Variants in JPH1 observed in about 807,000 individuals in gnomAD.
The protein encoded by JPH1 is junctophilin 1.
In JPH1, 12 loss-of-function variants were observed where a neutral mutation model predicts 53.6. That is an observed-to-expected ratio of 0.22 (90% CI 0.14 to 0.36). The LOEUF (loss-of-function observed/expected upper bound fraction) is 0.36. Among genes scored for constraint, JPH1 ranks in the 10% least tolerant of loss-of-function variants. The pLI, the probability that JPH1 is intolerant of heterozygous loss-of-function variation, is 1.00. For missense variants in JPH1, 808 were observed against 905.5 expected (o/e 0.89, Z 1.38); for synonymous variants, 375 against 363.8 (o/e 1.03, Z -0.35).
intron 2 of JPH1, among the ~76,000 whole-genome samples, chr8:74,273,763 A>T (rs1806771420): frequency 6.6e-6 from 1 of 152,192 alleles, no homozygotes; most frequent in African/African-American, 2.4e-5. Flanking sequence ...TTTTAAAAAT[A>T]ATATAGCGCA....
chr8:74,254,267 A>C (rs1352082554), intron 3 of JPH1, among the ~76,000 whole-genome samples: 1 of 152,182 alleles, frequency 6.6e-6, no homozygotes, highest in African/African-American at 2.4e-5. Flanking sequence ...GTAATCCAGC[A>C]TATAAACAGA....
chr8:74,274,503 C>G (rs530587981), intron 2 of JPH1, among the ~76,000 whole-genome samples: 19 of 152,284 alleles, frequency 1.2e-4, no homozygotes, highest in Non-Finnish European at 2.5e-4. Flanking sequence ...TAGATGTGGA[C>G]GTTCTAAGAA....
Position 74,320,774 on chromosome 8 carries a change from G to A in JPH1, c.379+135C>T, listed in dbSNP as rs1808293543. The A allele has an allele frequency of 1.1e-5, 12 of 1,083,670 alleles. No homozygotes were observed. The highest frequency in any genetic ancestry group is 1.7e-5 in the African/African-American group (1 of 59,988). 67.1% of individuals were successfully genotyped at this position (1,083,670 alleles called of 1,614,324 possible). On this transcript the variant is annotated intron_variant, in intron 1 of 5. Transcript: ENST00000342232. The surrounding 1 kb of genome is among the most constrained non-coding windows in gnomAD (Gnocchi z 4.4). ...TGGGAAAGGCGGGCGCGGGCGCGGG[G>A]GTGGGAGGCGCCCCCAGGTGTTTTG...
intron 2 of JPH1, among the ~76,000 whole-genome samples, chr8:74,295,220 G>T (rs1293749326): frequency 6.6e-6 from 1 of 152,000 alleles, no homozygotes; most frequent in Non-Finnish European, 1.5e-5. Context: ...AGGTCTCTTG[G>T]TTCCTCTAAG....
intron 2 of JPH1, among the ~76,000 whole-genome samples, chr8:74,298,451 T>C (rs1424060487): frequency 6.6e-6 from 1 of 152,242 alleles, no homozygotes. Flanking sequence ...CCTTGAGCAC[T>C]GTAGCTAAAA....
At chr8:74,293,961 CTT>C (rs529349975) in intron 2 of JPH1, among the ~76,000 whole-genome samples, 611 of 152,274 alleles carry the variant, frequency 4.0e-3, no homozygotes, top group African/African-American at 0.014. Context: ...TGGGGTGTCT[CTT>C]TTGTAGAGCG....
At chr8:74,276,398 G>A (rs556728852) in intron 2 of JPH1, among the ~76,000 whole-genome samples, 4 of 152,282 alleles carry the variant, frequency 2.6e-5, no homozygotes, top group East Asian at 3.9e-4. Context: ...CCAGGTTCTC[G>A]CCTCTATGTG....
At position 74,321,174 on chromosome 8, in the gene JPH1, G is replaced by A. The variant is rs749539672; in HGVS notation, c.114C>T (p.Tyr38=). 1.9e-6 allele frequency: 3 copies of A among 1,613,356 alleles called. No homozygotes were observed. In the South Asian group the frequency reaches 3.3e-5, roughly 18 times the overall value. The part of the protein sequence containing the change: ...ICTGPKGQGE[Y]SGSWSHGFEV... ...CGAAGCCGTGCGACCAGGAGCCCGA[G>A]TACTCGCCCTGGCCCTTGGGCCCCG... is the stretch of plus-strand genomic sequence containing the variant. Residue 38 remains tyrosine (Y), a synonymous_variant, in exon 1 of 6, where the codon TAC becomes TAT. Transcript: ENST00000342232. This position sits in a 1 kb window ranked among gnomAD's most constrained non-coding sequence, Gnocchi z 4.3.
chr8:74,274,230 T>C (rs1348257825), intron 2 of JPH1, among the ~76,000 whole-genome samples: 1 of 152,148 alleles, frequency 6.6e-6, no homozygotes, highest in Non-Finnish European at 1.5e-5. Context: ...GGGCGTTTTC[T>C]GGGAGAAATG....
At chr8:74,246,972 C>T (rs1234517019) in intron 3 of JPH1, among the ~76,000 whole-genome samples, 3 of 152,130 alleles carry the variant, frequency 2.0e-5, no homozygotes, top group Non-Finnish European at 4.4e-5. Context: ...ATTCAAAAGG[C>T]GATGTCCTTC....
chr8:74,305,655 G>A (rs1490443423), intron 2 of JPH1, among the ~76,000 whole-genome samples: 1 of 152,180 alleles, frequency 6.6e-6, no homozygotes, highest in Non-Finnish European at 1.5e-5. Flanking sequence ...TGGAATTTCA[G>A]TTTTCCCTTC....
At chr8:74,267,884 G>A (rs1318916550) in intron 2 of JPH1, among the ~76,000 whole-genome samples, 1 of 152,194 alleles carries the variant, frequency 6.6e-6, no homozygotes, top group Non-Finnish European at 1.5e-5. Flanking sequence ...TGCTGGATGA[G>A]CGAAAGAAAG....
chr8:74,273,236 G>A (rs941440490), intron 2 of JPH1, among the ~76,000 whole-genome samples: 4 of 152,150 alleles, frequency 2.6e-5, no homozygotes, highest in Non-Finnish European at 5.9e-5. Context: ...TAATATGATG[G>A]TGAATTTTGG....
intron 2 of JPH1, among the ~76,000 whole-genome samples, chr8:74,310,125 G>A (rs1807948632): frequency 6.6e-6 from 1 of 152,120 alleles, no homozygotes; most frequent in African/African-American, 2.4e-5. Flanking sequence ...CTCAGTTCTA[G>A]TAGCTATGTC....
intron 3 of JPH1, among the ~76,000 whole-genome samples, chr8:74,257,379 C>T (rs527472185): frequency 1.8e-4 from 28 of 152,248 alleles, no homozygotes; most frequent in South Asian, 1.2e-3. Context: ...GATGATCTTT[C>T]GTATCATTTA....
intron 2 of JPH1, among the ~76,000 whole-genome samples, chr8:74,260,607 G>C (rs935092894): frequency 1.4e-5 from 2 of 146,992 alleles, no homozygotes; most frequent in African/African-American, 5.5e-5. Context: ...GACAGCAGGA[G>C]AGAGGAGGAG....
At chr8:74,249,236 C>A (rs1805961272) in intron 3 of JPH1, among the ~76,000 whole-genome samples, 1 of 152,142 alleles carries the variant, frequency 6.6e-6, no homozygotes, top group Non-Finnish European at 1.5e-5. Context: ...AAACAAATTT[C>A]TATGAGGGCA....
chr8:74,270,488 A>T (rs1806667092), intron 2 of JPH1, among the ~76,000 whole-genome samples: 1 of 152,346 alleles, frequency 6.6e-6, no homozygotes, highest in East Asian at 1.9e-4. Flanking sequence ...ACACTGAGAA[A>T]ATGGAAGCAG....
Position 74,321,046 on chromosome 8 carries a change from A to C in JPH1, c.242T>G (p.Met81Arg), listed in dbSNP as rs1021678638. The C allele has an allele frequency of 5.0e-6, 8 of 1,613,206 alleles. No individual in the cohort carries two copies. The Admixed American group carries it at 6.7e-5, about 13-fold the overall frequency. The change falls in exon 1 of 6, where the codon ATG (methionine) becomes AGG (arginine). Residue 81 changes from methionine (M) to arginine (R), a missense_variant. This residue lies in a region of JPH1 where 756 missense variants were observed against 811.9 expected (regional missense o/e 0.93). Coordinates refer to ENST00000342232, the MANE Select transcript of JPH1 (RefSeq NM_020647.4). This position sits in a 1 kb window ranked among gnomAD's most constrained non-coding sequence, Gnocchi z 4.3. ...ACCATGTGACCACTCCCCCCGGTAC[A>C]TCCACTTGCCCTTCGTCTCCACCCC... is the stretch of plus-strand genomic sequence containing the variant. The part of the protein sequence containing the change: ...GLGVETKGKW[M>R]YRGEWSHGFK...
Sources: gnomAD v4.1 joint callset for allele counts (sites outside exome capture counted in the v4.1 genomes callset) on GRCh38, gnomAD v4.1.1 for gene constraint, gnomAD v4.1.1 regional missense constraint, Gnocchi (gnomAD v3.1) non-coding constraint, MANE v1.5 for transcripts, NCBI Gene and HGNC (gene_info 2026-07-23, HGNC 2026-07-21) for gene names.